The following OTUD7A variants were observed in gnomAD, a reference collection of about 807,000 sequenced individuals.
OTUD7A encodes OTU domain-containing protein 7A.
OTUD7A carries 12 observed loss-of-function variants against 65.7 expected under a neutral mutation model. That is an observed-to-expected ratio of 0.18 (90% CI 0.12 to 0.30). The LOEUF (loss-of-function observed/expected upper bound fraction) is 0.30. OTUD7A is among the 10% of genes least tolerant of loss of function. The pLI is 1.00. For missense variants in OTUD7A, 1,148 were observed against 1,304.8 expected (o/e 0.88, Z 1.85); for synonymous variants, 641 against 586.3 (o/e 1.09, Z -1.35).
rs531310492 is a variant in OTUD7A at position 31,620,745 on chromosome 15, G to GT, written c.151+34350dup. ...CCTGGATTCATTAATTTTTTGAAGG[G>GT]TTTTTTGTGTCTCTATTTCCTTCAG... On this transcript the variant is annotated intron_variant, in intron 3 of 12. Coordinates refer to ENST00000307050, the MANE Select transcript of OTUD7A (RefSeq NM_001382637.1). Among the ~76,000 whole-genome samples the GT allele has an allele frequency of 2.6e-3, 274 of 104,390 alleles. 18 individuals carry two copies. Among genetic ancestry groups the GT allele is most frequent in the Non-Finnish European group, 5.5e-4 (31 of 56,382 alleles). 68.5% of individuals were successfully genotyped at this position (104,390 alleles called of 152,430 possible). A position where few individuals can be genotyped will look rare whatever the true frequency, so the allele number is the denominator to read the frequency against.
At chr15:31,862,009 T>G (rs565854365) in intron 1 of OTUD7A, among the ~76,000 whole-genome samples, 2 of 152,242 alleles carry the variant, frequency 1.3e-5, no homozygotes, top group Non-Finnish European at 1.5e-5. Context: ...GGGAATATAC[T>G]TAGGGTGGGG....
At chr15:31,549,701 A>G (rs1888256112) in intron 5 of OTUD7A, among the ~76,000 whole-genome samples, 1 of 152,126 alleles carries the variant, frequency 6.6e-6, no homozygotes. Flanking sequence ...GAAGAGGGAA[A>G]GGGGGAGAGA....
At chr15:31,673,580 C>T (rs1371854186) in intron 1 of OTUD7A, among the ~76,000 whole-genome samples, 1 of 151,650 alleles carries the variant, frequency 6.6e-6, no homozygotes, top group Non-Finnish European at 1.5e-5. Flanking sequence ...TTTTATTCTT[C>T]AGGCTCACAA....
At chr15:31,766,201 CT>C in intron 1 of OTUD7A, 1 of 1,519,882 alleles carries the variant, frequency 6.6e-7, no homozygotes, top group East Asian at 2.3e-5. Flanking sequence ...TCAAGGTCCA[CT>C]TCTTCAGCAC....
At chr15:31,820,378 T>C (rs1268081996) in intron 1 of OTUD7A, among the ~76,000 whole-genome samples, 1 of 152,220 alleles carries the variant, frequency 6.6e-6, no homozygotes, top group African/African-American at 2.4e-5. Context: ...TCTCTTCAGG[T>C]TCCTTTAGGT....
intron 3 of OTUD7A, among the ~76,000 whole-genome samples, chr15:31,639,027 G>A (rs1449549094): frequency 2.0e-5 from 3 of 152,010 alleles, no homozygotes; most frequent in Non-Finnish European, 2.9e-5. Flanking sequence ...GCAGCTACTC[G>A]GGAGGCTGAG....
intron 1 of OTUD7A, among the ~76,000 whole-genome samples, chr15:31,699,155 C>T (rs928395159): frequency 3.3e-5 from 5 of 150,780 alleles, no homozygotes; most frequent in East Asian, 3.9e-4. Flanking sequence ...TCTCAGCTCA[C>T]TGCAAGCTCC....
intron 8 of OTUD7A, among the ~76,000 whole-genome samples, chr15:31,508,181 TTTAAC>T (rs1204757567): frequency 6.6e-6 from 1 of 152,112 alleles, no homozygotes; most frequent in Non-Finnish European, 1.5e-5. Flanking sequence ...TTTTTAAAAT[TTTAAC>T]TTAGTAGGGC....
intron 3 of OTUD7A, among the ~76,000 whole-genome samples, chr15:31,590,728 T>C (rs1293531025): frequency 6.6e-6 from 1 of 152,172 alleles, no homozygotes; most frequent in African/African-American, 2.4e-5. Context: ...CAGAATACAA[T>C]TAATCTAAAC....
At position 31,584,104 on chromosome 15, in the gene OTUD7A, T is replaced by G. The variant is rs568627957; in HGVS notation, c.152-13907A>C. On this transcript the variant is annotated intron_variant, in intron 3 of 12. Coordinates refer to ENST00000307050, the MANE Select transcript of OTUD7A (RefSeq NM_001382637.1). The stretch of plus-strand genomic sequence containing the variant: ...CAAAGACAGCAGGGTGGGCTGACCC[T>G]TCATGACTTATCTAGAGAGCAACAG... Among the ~76,000 whole-genome samples the G allele has an allele frequency of 7.7e-4, 117 of 152,310 alleles. 1 individual carries two copies. Among genetic ancestry groups the G allele is most frequent in the South Asian group, 2.3e-3 (11 of 4,826 alleles).
At chr15:31,606,389 A>ACATTCC (rs113456754) in intron 3 of OTUD7A, among the ~76,000 whole-genome samples, 36 of 152,356 alleles carry the variant, frequency 2.4e-4, no homozygotes, top group African/African-American at 8.4e-4. Context: ...GAAAAATGTT[A>ACATTCC]CATTCCCAAC....
rs2041971276 is a variant in OTUD7A, at chr15:31,523,808, A to T, written c.893+2541T>A. On this transcript the variant is annotated intron_variant, in intron 8 of 12. Coordinates refer to ENST00000307050, the MANE Select transcript of OTUD7A (RefSeq NM_001382637.1). Reference sequence around the variant, plus strand: ...GGGAGAGAAGACACAGGCAAAAGGCAGAGCAACTGTGCTTGTGCACAAAGG... The same window carrying T: ...GGGAGAGAAGACACAGGCAAAAGGCTGAGCAACTGTGCTTGTGCACAAAGG... 2.0e-5 allele frequency among the ~76,000 whole-genome samples: 3 copies of T among 152,256 alleles called. No homozygotes were observed. The South Asian group carries it at 6.2e-4, about 31-fold the overall frequency.
rs1567059779 is a variant in OTUD7A, at chr15:31,860,643, A to ATATATATATATATATATATATATATG, written c.-100+9863_-100+9864insCATATATATATATATATATATATATA. On this transcript the variant is annotated intron_variant, in intron 1 of 12. Coordinates refer to ENST00000307050, the MANE Select transcript of OTUD7A (RefSeq NM_001382637.1). ...TGGAGATATATATATATATATATATATGTATGTATGTGTGTATATATAGAT... is the reference window on the plus strand; with the variant it reads ...TGGAGATATATATATATATATATATATATATATATATATATATATATATATGTGTATGTATGTGTGTATATATAGAT... Among the ~76,000 whole-genome samples, 9 of 114,558 alleles carry ATATATATATATATATATATATATATG rather than the reference A, an allele frequency of 7.9e-5. 1 individual carries two copies. The highest frequency in any genetic ancestry group is 1.9e-4 in the Admixed American group (2 of 10,748). The allele number at this position is 114,558 out of a possible 152,430, so 75.2% of individuals were successfully genotyped here.
chr15:31,864,982 C>T (rs927850647), intron 1 of OTUD7A, among the ~76,000 whole-genome samples: 1 of 151,974 alleles, frequency 6.6e-6, no homozygotes, highest in Non-Finnish European at 1.5e-5. Flanking sequence ...TCTGCTCCAC[C>T]CTAAAGCCTA....
chr15:31,704,919 CT>C (rs1385823108), intron 1 of OTUD7A, among the ~76,000 whole-genome samples: 4 of 151,908 alleles, frequency 2.6e-5, no homozygotes, highest in African/African-American at 9.7e-5. Flanking sequence ...GAAAACCCCC[CT>C]GGATACGCCG....
intron 5 of OTUD7A, among the ~76,000 whole-genome samples, chr15:31,551,289 A>G (rs1202411035): frequency 3.3e-5 from 5 of 152,220 alleles, no homozygotes; most frequent in African/African-American, 4.8e-5. Context: ...GCTCCATACA[A>G]GGAGTGCGAT....
chr15:31,754,072 G>C (rs900197998), intron 1 of OTUD7A, among the ~76,000 whole-genome samples: 1 of 152,064 alleles, frequency 6.6e-6, no homozygotes, highest in Non-Finnish European at 1.5e-5. Context: ...GCAGGAGTAA[G>C]GTGGTATTGC....
At chr15:31,644,896 C>G (rs2095536527) in intron 3 of OTUD7A, among the ~76,000 whole-genome samples, 1 of 152,236 alleles carries the variant, frequency 6.6e-6, no homozygotes, top group Non-Finnish European at 1.5e-5. Context: ...TTCCATGGCT[C>G]TGTATCAGCC....
chr15:31,779,171 GTGCC>G (rs1213759684), intron 1 of OTUD7A, among the ~76,000 whole-genome samples: 1 of 151,938 alleles, frequency 6.6e-6, no homozygotes, highest in Non-Finnish European at 1.5e-5. Context: ...CCTCACCCAG[GTGCC>G]CTATTTAACC....
Sources: gnomAD v4.1 joint callset for allele counts (sites outside exome capture counted in the v4.1 genomes callset) on GRCh38, gnomAD v4.1.1 for gene constraint, MANE v1.5 for transcripts, NCBI Gene and HGNC (gene_info 2026-07-23, HGNC 2026-07-21) for gene names.